The following HTR2C variants were observed in gnomAD, a reference collection of about 807,000 sequenced individuals.
HTR2C encodes 5-hydroxytryptamine (serotonin) receptor 2C, G protein-coupled.
Under a neutral mutation model 21.0 loss-of-function variants are expected in HTR2C, and 5 were observed. That is an observed-to-expected ratio of 0.24 (90% CI 0.12 to 0.50). HTR2C has a LOEUF of 0.50. Among genes scored for constraint, HTR2C ranks in the 20% least tolerant of loss-of-function variants. The probability of loss-of-function intolerance (pLI) is 0.98; values close to 1 mark genes in which losing one functional copy is unlikely to be tolerated. For missense variants in HTR2C, 271 were observed against 371.2 expected (o/e 0.73, Z 2.22); for synonymous variants, 150 against 145.3 (o/e 1.03, Z -0.23).
At chrX:114,685,036 A>G (rs1405214747) in intron 2 of HTR2C, among the ~76,000 whole-genome samples, 1 of 107,498 alleles carries the variant, frequency 9.3e-6, no homozygotes, top group Non-Finnish European at 2.0e-5. Flanking sequence ...GAGCAGTAAT[A>G]CAATTTGTAT....
intron 2 of HTR2C, among the ~76,000 whole-genome samples, chrX:114,718,607 C>T (rs1270629171): frequency 9.0e-6 from 1 of 111,394 alleles, no homozygotes; most frequent in Non-Finnish European, 1.9e-5. Flanking sequence ...TTTGTCTTAG[C>T]AACTGTAGTT....
chrX:114,734,055 CA>C (rs1165751940), intron 4 of HTR2C, among the ~76,000 whole-genome samples: 1 of 109,986 alleles, frequency 9.1e-6, no homozygotes, highest in African/African-American at 3.3e-5. Flanking sequence ...TAGAAATGGT[CA>C]AAAAAATAGG....
intron 4 of HTR2C, among the ~76,000 whole-genome samples, chrX:114,741,586 G>A (rs1380445808): frequency 8.0e-5 from 5 of 62,312 alleles, no homozygotes; most frequent in African/African-American, 2.2e-4. Context: ...GAAAAGTAAG[G>A]AAGTGAACAT....
intron 1 of HTR2C, among the ~76,000 whole-genome samples, chrX:114,605,782 T>C (rs1435706711): frequency 9.3e-6 from 1 of 107,751 alleles, no homozygotes; most frequent in Non-Finnish European, 1.9e-5. Context: ...AGGTTGCCCA[T>C]AGTGAAGGAA....
intron 1 of HTR2C, among the ~76,000 whole-genome samples, chrX:114,603,552 C>T (rs1344440120): frequency 8.6e-5 from 9 of 104,283 alleles, no homozygotes; most frequent in Admixed American, 7.4e-4. Context: ...AGAGATCATT[C>T]GGACACGATT....
intron 4 of HTR2C, among the ~76,000 whole-genome samples, chrX:114,768,557 T>G (rs189989498): frequency 8.1e-5 from 9 of 111,086 alleles, no homozygotes; most frequent in African/African-American, 2.9e-4. Context: ...ATTTTCTCAG[T>G]TTAAATACAA....
intron 2 of HTR2C, among the ~76,000 whole-genome samples, chrX:114,634,080 TATCTC>T (rs1293064347): frequency 2.7e-5 from 3 of 110,153 alleles, no homozygotes; most frequent in African/African-American, 9.9e-5. Flanking sequence ...CTCCATTACT[TATCTC>T]AATAGAAATT....
At chrX:114,864,169 T>A (rs1556473862) in intron 5 of HTR2C, among the ~76,000 whole-genome samples, 1 of 101,153 alleles carries the variant, frequency 9.9e-6, no homozygotes, top group African/African-American at 3.5e-5. Context: ...CTACTGCCAT[T>A]TTCTTGTTTG....
At chrX:114,682,485 A>AT (rs1329255574) in intron 2 of HTR2C, among the ~76,000 whole-genome samples, 2 of 111,381 alleles carry the variant, frequency 1.8e-5, no homozygotes, top group Non-Finnish European at 3.8e-5. Context: ...TGCTTTTTAT[A>AT]TTTTTTAATA....
intron 5 of HTR2C, among the ~76,000 whole-genome samples, chrX:114,889,429 T>C (rs1361868060): frequency 8.9e-6 from 1 of 111,891 alleles, no homozygotes; most frequent in Non-Finnish European, 1.9e-5. Context: ...CCCTCTCAGG[T>C]CTTTCCTAAG....
At chrX:114,694,647 C>T (rs1046056812) in intron 2 of HTR2C, among the ~76,000 whole-genome samples, 1 of 109,302 alleles carries the variant, frequency 9.1e-6, no homozygotes, top group African/African-American at 3.4e-5. Flanking sequence ...CTCCCGCCAC[C>T]ATGATGGGCT....
chrX:114,750,207 A>G (rs1203018185), intron 4 of HTR2C, among the ~76,000 whole-genome samples: 2 of 111,824 alleles, frequency 1.8e-5, no homozygotes, highest in African/African-American at 6.5e-5. Context: ...GAACTCTTGA[A>G]AAAAAAGATG....
intron 4 of HTR2C, among the ~76,000 whole-genome samples, chrX:114,744,833 A>G (rs2069686987): frequency 8.9e-6 from 1 of 112,237 alleles, no homozygotes; most frequent in African/African-American, 3.2e-5. Context: ...GAGAAAACTC[A>G]AATTACCAGT....
chrX:114,833,443 C>T (rs1280013282), intron 4 of HTR2C, among the ~76,000 whole-genome samples: 8 of 110,850 alleles, frequency 7.2e-5, no homozygotes, highest in South Asian at 7.9e-4. Context: ...GTGTATGTGT[C>T]GAGGAATTTA....
intron 4 of HTR2C, among the ~76,000 whole-genome samples, chrX:114,793,743 A>C (rs1018165303): frequency 4.6e-5 from 5 of 109,538 alleles, no homozygotes; most frequent in Non-Finnish European, 7.6e-5. Flanking sequence ...TTATTTATTC[A>C]TCCATCCATC....
At chrX:114,886,357 T>C (rs1349131516) in intron 5 of HTR2C, among the ~76,000 whole-genome samples, 2 of 111,326 alleles carry the variant, frequency 1.8e-5, no homozygotes, top group African/African-American at 3.3e-5. Flanking sequence ...TTATTGGTGA[T>C]ATAGTTTGAT....
At chrX:114,799,762 G>A (rs1179177851) in intron 4 of HTR2C, among the ~76,000 whole-genome samples, 5 of 110,437 alleles carry the variant, frequency 4.5e-5, no homozygotes, top group Non-Finnish European at 9.5e-5. Context: ...CCACGTCAGT[G>A]TTTTCAAGGA....
intron 1 of HTR2C, chrX:114,589,886 T>A: frequency 3.0e-6 from 1 of 327,926 alleles, no homozygotes; most frequent in South Asian, 3.3e-5. Flanking sequence ...TGCAAGCATT[T>A]TGAACTGGGA....
intron 3 of HTR2C, among the ~76,000 whole-genome samples, chrX:114,728,957 A>G (rs1252028457): frequency 8.9e-6 from 1 of 112,278 alleles, no homozygotes; most frequent in Non-Finnish European, 1.9e-5. Flanking sequence ...TGTATTTGTC[A>G]TTCTGCAATC....
Sources: allele counts gnomAD v4.1 joint callset (sites outside exome capture counted in the v4.1 genomes callset), GRCh38; gene constraint gnomAD v4.1.1; transcripts MANE v1.5; gene names NCBI Gene and HGNC (gene_info 2026-07-23, HGNC 2026-07-21).